Variants in RANBP2 observed in about 807,000 individuals in gnomAD.
RANBP2 encodes the protein E3 SUMO-protein ligase RanBP2.
A neutral mutation model predicts 303.6 loss-of-function variants in RANBP2; 57 were observed. That is an observed-to-expected ratio of 0.19 (90% CI 0.15 to 0.23). The LOEUF (loss-of-function observed/expected upper bound fraction) is 0.23, where lower values mean the gene tolerates loss of function less well. RANBP2 is among the 10% of genes least tolerant of loss of function. RANBP2 has a pLI of 1.00. For synonymous variants in RANBP2, 1,167 were observed against 1,301.5 expected (o/e 0.90, Z 2.23); for missense variants, 3,138 against 3,780.8 (o/e 0.83, Z 4.46).
chr2:109,075,840 C>T, the RANBP2 span, among the ~76,000 whole-genome samples: 2 of 149,834 alleles, frequency 1.3e-5, no homozygotes, highest in Non-Finnish European at 3.0e-5. Context: ...AAAGACCTCC[C>T]AAAAAAGAAA....
At chr2:109,322,868 G>T in the RANBP2 span, among the ~76,000 whole-genome samples, 2 of 152,190 alleles carry the variant, frequency 1.3e-5, no homozygotes, top group Non-Finnish European at 2.9e-5. Context: ...ATCAATTAAA[G>T]TTCCATGCAC....
chr2:108,774,993 A>G (rs893247229), intron 23 of RANBP2, among the ~76,000 whole-genome samples: 1 of 152,108 alleles, frequency 6.6e-6, no homozygotes, highest in East Asian at 1.9e-4. Context: ...GGCCCGGCCT[A>G]GTTTCTTAAT....
At chr2:109,122,335 C>T in the RANBP2 span, among the ~76,000 whole-genome samples, 19 of 152,212 alleles carry the variant, frequency 1.2e-4, no homozygotes, top group Admixed American at 1.2e-3. Context: ...AGCCAATCAA[C>T]AGGTTCACTG....
At chr2:109,306,945 G>A in the RANBP2 span, among the ~76,000 whole-genome samples, 5 of 152,222 alleles carry the variant, frequency 3.3e-5, no homozygotes, top group Non-Finnish European at 7.3e-5. Context: ...GGTGTGCTAT[G>A]GAGGTGTTTT....
Position 108,763,607 on chromosome 2 carries a change from C to T in RANBP2, c.3068C>T (p.Ala1023Val), listed in dbSNP as rs768162813. 1.3e-5 allele frequency: 21 copies of T among 1,614,026 alleles called. No homozygotes were observed. Among genetic ancestry groups the T allele is most frequent in the Non-Finnish European group, 1.7e-5 (20 of 1,180,012 alleles). ...TTAAGGCCATCTTTGCCAACACAAG[C>T]ACACACAACACAGCCAACTCCTTTT... ...EGLRPSLPTQ[A>V]HTTQPTPFKF... is the part of the protein sequence containing the mutation. Residue 1023 changes from alanine to valine, a missense_variant, in exon 20 of 29, where the codon GCA (alanine) becomes GTA (valine). By Grantham distance (64) the Ala-to-Val change is moderately conservative. This residue lies in a region of RANBP2 where 403 missense variants were observed against 376.7 expected (regional missense o/e 1.07). Transcript: ENST00000283195.
chr2:109,072,362 G>C, the RANBP2 span, among the ~76,000 whole-genome samples: 3 of 152,184 alleles, frequency 2.0e-5, no homozygotes, highest in African/African-American at 7.2e-5. Context: ...GCTGGCCAGA[G>C]GATGCACTCA....
chr2:109,725,042 T>C, the RANBP2 span, among the ~76,000 whole-genome samples: 1 of 152,174 alleles, frequency 6.6e-6, no homozygotes, highest in Admixed American at 6.5e-5. Flanking sequence ...GCTTACTCAC[T>C]CATGGGCTCC....
At chr2:108,850,309 A>T in the RANBP2 span, among the ~76,000 whole-genome samples, 1 of 152,230 alleles carries the variant, frequency 6.6e-6, no homozygotes, top group Middle Eastern at 3.2e-3. Context: ...GTTGGGTAAT[A>T]GGCAGATGCA....
chr2:109,724,337 G>T, the RANBP2 span, among the ~76,000 whole-genome samples: 1 of 152,124 alleles, frequency 6.6e-6, no homozygotes, highest in Non-Finnish European at 1.5e-5. Context: ...GAATAGCATT[G>T]CATCTATAAA....
At chr2:109,635,678 A>T in the RANBP2 span, among the ~76,000 whole-genome samples, 1 of 152,206 alleles carries the variant, frequency 6.6e-6, no homozygotes, top group Non-Finnish European at 1.5e-5. Flanking sequence ...GGGGACACAG[A>T]GCAGAAGTCA....
chr2:109,573,785 G>T, the RANBP2 span, among the ~76,000 whole-genome samples: 369 of 152,306 alleles, frequency 2.4e-3, 2 homozygotes, highest in Non-Finnish European at 4.2e-3. Flanking sequence ...AATCTGAAGT[G>T]AGTTAGTTTA....
chr2:109,428,417 A>G, the RANBP2 span, among the ~76,000 whole-genome samples: 2 of 152,376 alleles, frequency 1.3e-5, no homozygotes, highest in African/African-American at 4.8e-5. Context: ...AACAGGCTGC[A>G]CGTGAAAGCA....
chr2:109,064,879 A>T, the RANBP2 span, among the ~76,000 whole-genome samples: 4 of 152,198 alleles, frequency 2.6e-5, no homozygotes, highest in Non-Finnish European at 5.9e-5. Context: ...CATAGACAAG[A>T]TGCTTTAGAA....
At chr2:109,078,447 A>C in the RANBP2 span, among the ~76,000 whole-genome samples, 2 of 148,608 alleles carry the variant, frequency 1.3e-5, no homozygotes, top group African/African-American at 4.9e-5. Flanking sequence ...TTGTAGAGTC[A>C]ATAAAAGATG....
the RANBP2 span, among the ~76,000 whole-genome samples, chr2:109,003,560 G>A: frequency 2.0e-4 from 31 of 152,060 alleles, no homozygotes; most frequent in African/African-American, 7.0e-4. Context: ...ACAGGTGTGC[G>A]CCACTAGGTC....
chr2:109,195,347 G>A, the RANBP2 span, among the ~76,000 whole-genome samples: 1 of 152,178 alleles, frequency 6.6e-6, no homozygotes, highest in Non-Finnish European at 1.5e-5. Flanking sequence ...CCAGGACAAG[G>A]GGCAAGTGAG....
At chr2:109,143,071 C>G in the RANBP2 span, among the ~76,000 whole-genome samples, 1 of 152,076 alleles carries the variant, frequency 6.6e-6, no homozygotes. Context: ...TCCCTGAGCC[C>G]GGGAACCCAG....
the RANBP2 span, among the ~76,000 whole-genome samples, chr2:109,334,697 A>G: frequency 0.026 from 3,998 of 152,318 alleles, 121 homozygotes; most frequent in African/African-American, 0.065. Context: ...AGACACAGGG[A>G]GAAAAAGCTG....
At chr2:109,731,008 G>C in the RANBP2 span, among the ~76,000 whole-genome samples, 1 of 151,986 alleles carries the variant, frequency 6.6e-6, no homozygotes, top group African/African-American at 2.4e-5. Context: ...GGCTGCTCTT[G>C]AACTCCCAAT....
Sources: gnomAD v4.1 joint callset for allele counts (sites outside exome capture counted in the v4.1 genomes callset) on GRCh38, gnomAD v4.1.1 for gene constraint, gnomAD v4.1.1 regional missense constraint, MANE v1.5 for transcripts, NCBI Gene and HGNC (gene_info 2026-07-23, HGNC 2026-07-21) for gene names.